ZNF57: variants seen among roughly 807,000 people sequenced by gnomAD.
ZNF57 encodes zinc finger protein 424.
ZNF57 carries 11 observed loss-of-function variants against 13.4 expected under a neutral mutation model. The ratio of observed to expected loss-of-function variants is 0.82; its 90% CI spans 0.52 to 1.36. ZNF57 has a LOEUF of 1.36. ZNF57 is among the 40% of genes most tolerant of loss of function. ZNF57 has a pLI of 0.00. For missense variants in ZNF57, 696 were observed against 667.5 expected, an observed-to-expected ratio of 1.04 and a Z score of -0.47; for synonymous variants, 224 against 238.5, an observed-to-expected ratio of 0.94 and a Z score of 0.56.
At position 2,918,229 on chromosome 19, in the gene ZNF57, A is replaced by G. The variant is rs368041353; in HGVS notation, c.1608A>G (p.Ser536=). The part of the protein sequence containing the change: ...HTGQKSHECQ[S]YSKAFSCQVI... Reference sequence around the variant, plus strand: ...GACAGAAATCCCACGAATGTCAGTCATACTCAAAAGCCTTCAGTTGCCAAG... The same window carrying G: ...GACAGAAATCCCACGAATGTCAGTCGTACTCAAAAGCCTTCAGTTGCCAAG... The change falls in exon 4 of 4, where the codon TCA becomes TCG. Residue 536 remains serine (S), a synonymous_variant. Coordinates refer to ENST00000306908, the MANE Select transcript of ZNF57 (RefSeq NM_173480.3). The G allele has an allele frequency of 6.2e-6, 10 of 1,613,860 alleles. No homozygotes were observed. The highest frequency in any genetic ancestry group is 4.0e-5 in the African/African-American group (3 of 74,940).
chr19:2,902,383 T>G (rs1338540289), intron 1 of ZNF57, among the ~76,000 whole-genome samples: 1 of 152,110 alleles, frequency 6.6e-6, no homozygotes, highest in Admixed American at 6.6e-5. Context: ...TCAAGTGTGT[T>G]TTCTGCCTTC....
rs2088023469 is a variant in ZNF57 at position 2,900,968 on chromosome 19, G to C, written c.-78G>C. On this transcript the variant is annotated 5_prime_UTR_variant, in exon 1 of 4. Transcript: ENST00000306908. The stretch of plus-strand genomic sequence containing the variant: ...GCCCTGCCTACCACGAGCGGCCCGG[G>C]AGTACCTGTACCTTTCAGCTGCGCC... 4 of 1,538,806 alleles carry C rather than the reference G, an allele frequency of 2.6e-6. No individual in the cohort carries two copies. Among genetic ancestry groups the C allele is most frequent in the East Asian group, 5.1e-5 (2 of 39,570 alleles).
chr19:2,912,229 G>A (rs2088144373), intron 1 of ZNF57: 1 of 152,206 alleles, frequency 6.6e-6, no homozygotes, highest in Non-Finnish European at 1.5e-5. Flanking sequence ...GATGAATAGA[G>A]GAAGATGATG....
chr19:2,904,643 G>A (rs769536482), intron 1 of ZNF57, among the ~76,000 whole-genome samples: 9 of 152,148 alleles, frequency 5.9e-5, no homozygotes, highest in Non-Finnish European at 1.2e-4. Context: ...CCGGGTTCAA[G>A]CAATCCTCCT....
chr19:2,903,119 T>C (rs961250511), intron 1 of ZNF57, among the ~76,000 whole-genome samples: 6 of 152,202 alleles, frequency 3.9e-5, no homozygotes, highest in Non-Finnish European at 7.3e-5. Flanking sequence ...GGAAAGACGA[T>C]TGTCCTGGAG....
chr19:2,909,153 C>A (rs1331802243), intron 1 of ZNF57, among the ~76,000 whole-genome samples: 3 of 151,926 alleles, frequency 2.0e-5, no homozygotes, highest in Non-Finnish European at 2.9e-5. Context: ...CTGCTGTGAA[C>A]ATTTGGGTAC....
intron 1 of ZNF57, among the ~76,000 whole-genome samples, chr19:2,901,966 G>C (rs2088034022): frequency 6.6e-6 from 1 of 152,072 alleles, no homozygotes; most frequent in Non-Finnish European, 1.5e-5. Context: ...ATTGTCACAA[G>C]GGCTGGGAGG....
chr19:2,901,309 G>A (rs1377741624), intron 1 of ZNF57, among the ~76,000 whole-genome samples: 9 of 126,246 alleles, frequency 7.1e-5, no homozygotes, highest in African/African-American at 8.8e-5. Flanking sequence ...AGGTAGTTTG[G>A]GGGGACGGTA....
At chr19:2,908,315 T>C (rs897563750) in intron 1 of ZNF57, among the ~76,000 whole-genome samples, 9 of 152,102 alleles carry the variant, frequency 5.9e-5, no homozygotes, top group Admixed American at 4.6e-4. Context: ...AGAGGTGAGG[T>C]CATGGGCGTC....
At chr19:2,902,770 C>T (rs1237631706) in intron 1 of ZNF57, among the ~76,000 whole-genome samples, 1 of 152,162 alleles carries the variant, frequency 6.6e-6, no homozygotes, top group Non-Finnish European at 1.5e-5. Flanking sequence ...GATCCATCAT[C>T]TGTTTGCTGA....
chr19:2,905,453 G>A (rs1350870260), intron 1 of ZNF57, among the ~76,000 whole-genome samples: 1 of 135,022 alleles, frequency 7.4e-6, no homozygotes, highest in Non-Finnish European at 1.5e-5. Flanking sequence ...ACAGGCGTGA[G>A]CCACTGCACC....
chr19:2,912,773 T>C (rs2088151094), intron 1 of ZNF57, among the ~76,000 whole-genome samples: 1 of 152,248 alleles, frequency 6.6e-6, no homozygotes, highest in African/African-American at 2.4e-5. Flanking sequence ...CCACCAGCAA[T>C]GTGTGAAGAT....
Position 2,910,720 on chromosome 19 carries a change from G to A in ZNF57, c.4-4802G>A, listed in dbSNP as rs572705802. Among the ~76,000 whole-genome samples the A allele has an allele frequency of 4.4e-5, 5 of 114,582 alleles. 2 individuals carry two copies. Among genetic ancestry groups the A allele is most frequent in the African/African-American group, 1.5e-4 (5 of 33,952 alleles). The allele number at this position is 114,582 out of a possible 152,430, so 75.2% of individuals were successfully genotyped here. A position where few individuals can be genotyped will look rare whatever the true frequency, so the allele number is the denominator to read the frequency against. ...CGTGATCTGCCCGCCTCGGCCTCCC[G>A]AAGTGTTGGGGTTACAGGCGTGAGC... On this transcript the variant is annotated intron_variant, in intron 1 of 3. Transcript: ENST00000306908.
intron 1 of ZNF57, among the ~76,000 whole-genome samples, chr19:2,904,632 C>T (rs2088057876): frequency 6.6e-6 from 1 of 152,184 alleles, no homozygotes; most frequent in Admixed American, 6.5e-5. Flanking sequence ...ACCTCCACCT[C>T]CCGGGTTCAA....
At chr19:2,911,393 C>A (rs1054416040) in intron 1 of ZNF57, among the ~76,000 whole-genome samples, 3 of 152,134 alleles carry the variant, frequency 2.0e-5, no homozygotes. Flanking sequence ...ATTAGCTGGG[C>A]ATGATGGCGG....
At chr19:2,901,084 C>G in intron 1 of ZNF57, 36 bp downstream of exon 1, 3 of 1,530,780 alleles carry the variant, frequency 2.0e-6, no homozygotes, top group South Asian at 1.2e-5. Flanking sequence ...AGGGGACGGT[C>G]GGAGCGACGG....
At position 2,918,305 on chromosome 19, in the gene ZNF57, C is replaced by G; in HGVS notation, c.*16C>G. On this transcript the variant is annotated 3_prime_UTR_variant, in exon 4 of 4. Transcript: ENST00000306908. Reference sequence around the variant, plus strand: ...CACACACTAAAGAGAAATTCTATAACTTTAATGGGGTAACCTCACATTAAT... The same window carrying G: ...CACACACTAAAGAGAAATTCTATAAGTTTAATGGGGTAACCTCACATTAAT... The G allele has an allele frequency of 1.3e-6, 2 of 1,567,344 alleles. No individual in the cohort carries two copies. Among genetic ancestry groups the G allele is most frequent in the Non-Finnish European group, 1.7e-6 (2 of 1,157,876 alleles).
chr19:2,909,846 T>C lies in ZNF57; in HGVS notation c.4-5676T>C, dbSNP rs375996005. 4.2e-4 allele frequency among the ~76,000 whole-genome samples: 20 copies of C among 48,044 alleles called. 9 individuals carry two copies. In the East Asian group the frequency reaches 8.5e-3, roughly 20 times the overall value. 31.5% of individuals were successfully genotyped at this position (48,044 alleles called of 152,430 possible). On this transcript the variant is annotated intron_variant, in intron 1 of 3. Coordinates refer to ENST00000306908, the MANE Select transcript of ZNF57 (RefSeq NM_173480.3). ...CCTGGCCTATTTGTACATGCTTTAC[T>C]CTACATCGCACTCTCCTGATGACTA...
chr19:2,916,193 C>T lies in ZNF57; in HGVS notation c.246C>T (p.Tyr82=), dbSNP rs1258008536. 9 of 1,613,590 alleles carry T rather than the reference C, an allele frequency of 5.6e-6. No individual in the cohort carries two copies. The highest frequency in any genetic ancestry group is 5.5e-5 in the South Asian group (5 of 91,006). The change falls in exon 3 of 4, where the codon TAC becomes TAT. Residue 82 remains tyrosine, a synonymous_variant. Transcript: ENST00000306908. ...TCACAGGAAATAATTCCTGTGCCTA[C>T]ACTTTAGAAAAAAATTGTGAAGGCT... ...PNFTGNNSCA[Y]TLEKNCEGYG... is the part of the protein sequence containing the mutation.
Sources: gnomAD v4.1 joint callset for allele counts (sites outside exome capture counted in the v4.1 genomes callset) on GRCh38, gnomAD v4.1.1 for gene constraint, MANE v1.5 for transcripts, NCBI Gene and HGNC (gene_info 2026-07-23, HGNC 2026-07-21) for gene names.